The following KCNV2 variants were observed in gnomAD, a reference collection of about 807,000 sequenced individuals.
KCNV2 encodes the protein potassium voltage-gated channel subfamily V member 2.
In KCNV2, 65 loss-of-function variants were observed where a neutral mutation model predicts 37.0. The ratio of observed to expected loss-of-function variants is 1.76; its 90% CI spans 1.44 to 2.16. KCNV2 has a LOEUF of 2.16. Among genes scored for constraint, KCNV2 ranks in the 30% most tolerant of loss-of-function variants. The probability of loss-of-function intolerance (pLI) is 0.00; values close to 1 mark genes in which losing one functional copy is unlikely to be tolerated. For missense variants in KCNV2, 1,232 were observed against 766.7 expected (o/e 1.61, Z -7.17); for synonymous variants, 518 against 328.6 (o/e 1.58, Z -6.23).
At chr9:2,729,089 G>T (rs546494782) in intron 1 of KCNV2, among the ~76,000 whole-genome samples, 1 of 152,144 alleles carries the variant, frequency 6.6e-6, no homozygotes, top group Non-Finnish European at 1.5e-5. Context: ...GGGAGGCAAA[G>T]ATCATTTACT....
rs765751812 is a variant in KCNV2, at chr9:2,718,734, G to A, written c.995G>A (p.Arg332His). Residue 332 changes from arginine (R) to histidine (H), a missense_variant, in exon 1 of 2, where the codon CGC becomes CAC. Transcript: ENST00000382082. ...ACGCCCGACCTGAGGCGCTTCGCGC[G>A]CAGCGCCCTCAACCTGGTGGACCTG... ...ASTPDLRRFA[R>H]SALNLVDLVA... 5.6e-6 allele frequency: 9 copies of A among 1,612,316 alleles called. No individual in the cohort carries two copies. Among genetic ancestry groups the A allele is most frequent in the Non-Finnish European group, 7.6e-6 (9 of 1,179,840 alleles).
chr9:2,727,034 G>A lies in KCNV2; in HGVS notation c.1357-2412G>A, dbSNP rs77628302. Among the ~76,000 whole-genome samples the A allele has an allele frequency of 5.3e-3, 802 of 152,200 alleles. 6 individuals carry two copies. Among genetic ancestry groups the A allele is most frequent in the African/African-American group, 0.018 (767 of 41,520 alleles). On this transcript the variant is annotated intron_variant, in intron 1 of 1. Coordinates refer to ENST00000382082, the MANE Select transcript of KCNV2 (RefSeq NM_133497.4). ...CCTGGTGCCAAAGAGGTTGGGGACCGCTGTTCTAAACTACCCCTTCCTGTC... is the reference window on the plus strand; with the variant it reads ...CCTGGTGCCAAAGAGGTTGGGGACCACTGTTCTAAACTACCCCTTCCTGTC...
intron 1 of KCNV2, among the ~76,000 whole-genome samples, chr9:2,721,322 A>G (rs1045459729): frequency 2.0e-5 from 3 of 152,246 alleles, no homozygotes; most frequent in Non-Finnish European, 4.4e-5. Context: ...CTATGAAAAC[A>G]ATGGGAGCAA....
Position 2,718,100 on chromosome 9 carries a change from A to G in KCNV2, c.361A>G (p.Thr121Ala), listed in dbSNP as rs1267139735. ...DYCELAGFPK[T>A]RLGRLATSTS... ...CTGCGAGCTGGCCGGCTTCCCCAAG[A>G]CGCGCCTAGGTCGCCTGGCCACCTC... Residue 121 changes from threonine to alanine, a missense_variant, in exon 1 of 2, where the codon ACG (threonine) becomes GCG (alanine). Transcript: ENST00000382082. 6.3e-7 allele frequency: 1 copy of G among 1,599,824 alleles called. No individual in the cohort carries two copies. The highest frequency in any genetic ancestry group is 1.8e-5 in the Admixed American group (1 of 57,064).
At chr9:2,729,329 C>A in intron 1 of KCNV2, 117 bp from the exon 2 acceptor site, 1 of 1,106,936 alleles carries the variant, frequency 9.0e-7, no homozygotes, top group Non-Finnish European at 1.4e-6. Context: ...CCGTGGGAAG[C>A]CATTACACTT....
rs781669034 is a variant in KCNV2 at position 2,719,065 on chromosome 9, T to G, written c.1326T>G (p.Thr442=). The stretch of plus-strand genomic sequence containing the variant: ...ACGATGTGCCCAGCACCAACTTCAC[T>G]ACCATCCCCCACTCCTGGTGGTGGG... The part of the protein sequence containing the change: ...VEHDVPSTNF[T]TIPHSWWWAA... Residue 442 remains threonine (T), a synonymous_variant, in exon 1 of 2, where the codon ACT becomes ACG. Transcript: ENST00000382082. 5 of 1,612,008 alleles carry G rather than the reference T, an allele frequency of 3.1e-6. No individual in the cohort carries two copies. The Admixed American group carries it at 5.0e-5, about 16-fold the overall frequency.
At chr9:2,719,218 T>G in intron 1 of KCNV2, 123 bp downstream of exon 1, 1 of 1,073,952 alleles carries the variant, frequency 9.3e-7, no homozygotes, top group Non-Finnish European at 1.4e-6. Context: ...CCACCCCCAA[T>G]CGCCGCATAC....
Position 2,718,311 on chromosome 9 carries a change from G to T in KCNV2, c.572G>T (p.Arg191Leu), listed in dbSNP as rs1164395600. ...FLEELGYWGV[R>L]LKYTPRCCRI... ...GAGGAGCTGGGCTACTGGGGCGTGC[G>T]GCTCAAGTACACGCCACGCTGCTGC... Residue 191 changes from arginine to leucine, a missense_variant, in exon 1 of 2, where the codon CGG becomes CTG. Transcript: ENST00000382082. 8 of 1,608,084 alleles carry T rather than the reference G, an allele frequency of 5.0e-6. No individual in the cohort carries two copies. The highest frequency in any genetic ancestry group is 6.8e-6 in the Non-Finnish European group (8 of 1,178,882).
At chr9:2,729,126 C>G (rs75431496) in intron 1 of KCNV2, among the ~76,000 whole-genome samples, 1,560 of 152,286 alleles carry the variant, frequency 0.01, 20 homozygotes, top group African/African-American at 0.036. Flanking sequence ...AGGTACTTAA[C>G]ATACTATTTT....
intron 1 of KCNV2, among the ~76,000 whole-genome samples, chr9:2,726,979 T>C (rs980861841): frequency 1.3e-5 from 2 of 151,904 alleles, no homozygotes; most frequent in South Asian, 2.1e-4. Flanking sequence ...ACCCCGTCCA[T>C]GGGAAAAATG....
chr9:2,718,167 A>G lies in KCNV2; in HGVS notation c.428A>G (p.Glu143Gly), dbSNP rs771269109. 3 of 1,613,060 alleles carry G rather than the reference A, an allele frequency of 1.9e-6. No individual in the cohort carries two copies. In the Admixed American group the frequency reaches 5.0e-5, roughly 27 times the overall value. ...SRQLSLCDDY[E>G]EQTDEYFFDR... is the part of the protein sequence containing the mutation. ...CAGCTAAGCCTGTGCGACGACTACG[A>G]GGAGCAGACAGACGAATACTTCTTC... The change falls in exon 1 of 2, where the codon GAG becomes GGG. Residue 143 changes from glutamate to glycine, a missense_variant. Transcript: ENST00000382082.
intron 1 of KCNV2, among the ~76,000 whole-genome samples, chr9:2,719,661 G>C (rs1445591355): frequency 2.0e-5 from 3 of 152,166 alleles, no homozygotes; most frequent in Non-Finnish European, 4.4e-5. Context: ...CTTCACTAAA[G>C]TTCTTTCAGG....
intron 1 of KCNV2, among the ~76,000 whole-genome samples, chr9:2,724,431 G>C (rs1240336147): frequency 2.0e-5 from 3 of 152,192 alleles, no homozygotes; most frequent in African/African-American, 7.2e-5. Flanking sequence ...CAAGGAAATA[G>C]ATAGTTGTTA....
In KCNV2 at chr9:2,725,905, G is replaced by A. The variant is rs562589312; in HGVS notation, c.1357-3541G>A. ...CATAATATATGGCAGGCCAGGATTTGTTGTTTAGTGAGTAAACTGCCAGGG... is the reference window on the plus strand; with the variant it reads ...CATAATATATGGCAGGCCAGGATTTATTGTTTAGTGAGTAAACTGCCAGGG... On this transcript the variant is annotated intron_variant, in intron 1 of 1. Transcript: ENST00000382082. 2.6e-5 allele frequency among the ~76,000 whole-genome samples: 4 copies of A among 152,304 alleles called. No individual in the cohort carries two copies. In the South Asian group the frequency reaches 8.3e-4, roughly 32 times the overall value.
Position 2,718,180 on chromosome 9 carries a change from C to G in KCNV2, c.441C>G (p.Asp147Glu). Residue 147 changes from aspartate to glutamate, a missense_variant, in exon 1 of 2, where the codon GAC becomes GAG. Transcript: ENST00000382082. ...SLCDDYEEQT[D>E]EYFFDRDPAV... Reference sequence around the variant, plus strand: ...GCGACGACTACGAGGAGCAGACAGACGAATACTTCTTCGACCGCGACCCGG... The same window carrying G: ...GCGACGACTACGAGGAGCAGACAGAGGAATACTTCTTCGACCGCGACCCGG... The G allele has an allele frequency of 6.2e-7, 1 of 1,613,288 alleles. No individual in the cohort carries two copies. The highest frequency in any genetic ancestry group is 1.6e-4 in the Middle Eastern group (1 of 6,062).
chr9:2,721,229 T>C (rs1178298125), intron 1 of KCNV2, among the ~76,000 whole-genome samples: 1 of 152,222 alleles, frequency 6.6e-6, no homozygotes, highest in Non-Finnish European at 1.5e-5. Flanking sequence ...TTTGTCCATT[T>C]TATTCTGAAA....
In KCNV2 at chr9:2,718,687, G is replaced by C. The variant is rs147822789; in HGVS notation, c.948G>C (p.Glu316Asp). 5 of 1,613,324 alleles carry C rather than the reference G, an allele frequency of 3.1e-6. No homozygotes were observed. Among genetic ancestry groups the C allele is most frequent in the East Asian group, 2.2e-5 (1 of 44,856 alleles). Residue 316 changes from glutamate to aspartate, a missense_variant, in exon 1 of 2, where the codon GAG becomes GAC. By Grantham distance (45) the Glu-to-Asp change is conservative. Coordinates refer to ENST00000382082, the MANE Select transcript of KCNV2 (RefSeq NM_133497.4). ...EMLCMGFFTL[E>D]YLLRLASTPD... Reference sequence around the variant, plus strand: ...TGTGCATGGGCTTCTTCACGCTCGAGTACCTGCTGCGCCTAGCCTCCACGC... The same window carrying C: ...TGTGCATGGGCTTCTTCACGCTCGACTACCTGCTGCGCCTAGCCTCCACGC...
rs752928296 is a variant in KCNV2, at chr9:2,718,871, G to A, written c.1132G>A (p.Val378Ile). 8.1e-6 allele frequency: 13 copies of A among 1,608,864 alleles called. No individual in the cohort carries two copies. The highest frequency in any genetic ancestry group is 5.3e-5 in the African/African-American group (4 of 74,934). ...SVGKVGQVLR[V>I]MRLMRIFRIL... ...GGGTAAGGTGGGTCAGGTGTTGCGC[G>A]TCATGCGCCTCATGCGCATCTTCCG... Residue 378 changes from valine to isoleucine, a missense_variant, in exon 1 of 2, where the codon GTC (valine) becomes ATC (isoleucine). By Grantham distance (29) the Val-to-Ile change is conservative. Transcript: ENST00000382082.
Position 2,717,805 on chromosome 9 carries a change from G to C in KCNV2, c.66G>C (p.Glu22Asp), listed in dbSNP as rs1423736762. ...SYRPWNTTEN[E>D]GSQHRRSICS... ...GGCCCTGGAACACGACGGAGAATGA[G>C]GGCAGCCAACACCGCAGGAGCATTT... Residue 22 changes from glutamate (E) to aspartate (D), a missense_variant, in exon 1 of 2, where the codon GAG becomes GAC. By Grantham distance (45) the Glu-to-Asp change is conservative (BLOSUM62 2). Transcript: ENST00000382082. 5 of 1,614,238 alleles carry C rather than the reference G, an allele frequency of 3.1e-6. No homozygotes were observed. The East Asian group carries it at 6.7e-5, about 22-fold the overall frequency.
Sources: allele counts gnomAD v4.1 joint callset (sites outside exome capture counted in the v4.1 genomes callset), GRCh38; gene constraint gnomAD v4.1.1; transcripts MANE v1.5; gene names NCBI Gene and HGNC (gene_info 2026-07-23, HGNC 2026-07-21).